DYNLT5: variants seen among roughly 807,000 people sequenced by gnomAD.
DYNLT5 encodes the protein dynein light chain Tctex-type family member 5.
Under a neutral mutation model 19.3 loss-of-function variants are expected in DYNLT5, and 25 were observed. That is an observed-to-expected ratio of 1.30 (90% CI 0.95 to 1.81). The LOEUF (loss-of-function observed/expected upper bound fraction) is 1.81, where lower values mean the gene tolerates loss of function less well. Among genes scored for constraint, DYNLT5 ranks in the 40% most tolerant of loss-of-function variants. The pLI is 0.00. For missense variants in DYNLT5, 232 were observed against 217.9 expected (o/e 1.06, Z -0.41); for synonymous variants, 82 against 68.9 (o/e 1.19, Z -0.94).
intron 4 of DYNLT5, 56 bp downstream of exon 4, chr1:66,776,459 C>A (rs1451848456): frequency 1.9e-5 from 29 of 1,533,584 alleles, no homozygotes; most frequent in East Asian, 2.3e-5. Flanking sequence ...TGCTAAAGTA[C>A]AACGGACCCT....
rs928568585 is a variant in DYNLT5, at chr1:66,778,797, A to C, written c.*1343A>C. ...GTGATTATTCAAAATGAATTTGTCAATTTTCACTTTTTTTTTTCTGTTAGT... is the reference window on the plus strand; with the variant it reads ...GTGATTATTCAAAATGAATTTGTCACTTTTCACTTTTTTTTTTCTGTTAGT... On this transcript the variant is annotated 3_prime_UTR_variant, in exon 5 of 5. Coordinates refer to ENST00000282670, the MANE Select transcript of DYNLT5 (RefSeq NM_152665.3). 4 of 125,158 alleles carry C rather than the reference A, an allele frequency of 3.2e-5. No homozygotes were observed. Among genetic ancestry groups the C allele is most frequent in the Non-Finnish European group, 7.3e-5 (4 of 55,126 alleles). 7.8% of individuals were successfully genotyped at this position (125,158 alleles called of 1,614,324 possible).
intron 2 of DYNLT5, among the ~76,000 whole-genome samples, chr1:66,757,583 T>C (rs1305501492): frequency 6.6e-6 from 1 of 152,170 alleles, no homozygotes; most frequent in Non-Finnish European, 1.5e-5. Context: ...GTGGTCATCA[T>C]ACTCCATCTG....
At chr1:66,754,281 A>C (rs937608176) in intron 1 of DYNLT5, among the ~76,000 whole-genome samples, 1 of 152,164 alleles carries the variant, frequency 6.6e-6, no homozygotes, top group South Asian at 2.1e-4. Flanking sequence ...TAATTAGCAA[A>C]GTTGTATTAT....
At chr1:66,760,716 C>G (rs1052293047) in intron 2 of DYNLT5, among the ~76,000 whole-genome samples, 1 of 152,196 alleles carries the variant, frequency 6.6e-6, no homozygotes, top group African/African-American at 2.4e-5. Context: ...ACCTGCACTA[C>G]CAGCATCACC....
intron 2 of DYNLT5, among the ~76,000 whole-genome samples, chr1:66,766,241 T>A (rs1486966688): frequency 6.6e-6 from 1 of 152,218 alleles, no homozygotes; most frequent in Non-Finnish European, 1.5e-5. Context: ...ACCGTAGCAT[T>A]CACTTTACAA....
intron 2 of DYNLT5, among the ~76,000 whole-genome samples, chr1:66,759,998 G>A (rs926186342): frequency 1.3e-5 from 2 of 152,140 alleles, no homozygotes; most frequent in African/African-American, 2.4e-5. Context: ...TGCATGTGCT[G>A]TTCTCTCTTC....
rs1192930228 is a variant in DYNLT5, at chr1:66,776,307, C to T, written c.240C>T (p.Thr80=). The change falls in exon 4 of 5, where the codon ACC becomes ACT. Residue 80 remains threonine (T), a synonymous_variant. Transcript: ENST00000282670. ...LGPPKHFPVV[T]VNHILKDVVT... ...CTCCCAAACATTTTCCTGTGGTCAC[C>T]GTCAATCATATTTTGAAAGATGTAG... 14 of 1,612,242 alleles carry T rather than the reference C, an allele frequency of 8.7e-6. No homozygotes were observed. Among genetic ancestry groups the T allele is most frequent in the East Asian group, 2.2e-5 (1 of 44,822 alleles).
At chr1:66,776,183 TC>T in intron 3 of DYNLT5, 95 bp from the exon 4 acceptor site, 1 of 1,463,936 alleles carries the variant, frequency 6.8e-7, no homozygotes, top group Admixed American at 2.2e-5. Context: ...GAAGATTAAA[TC>T]CCTCCATGTT....
intron 1 of DYNLT5, among the ~76,000 whole-genome samples, chr1:66,753,637 C>T (rs924609878): frequency 6.6e-6 from 1 of 152,242 alleles, no homozygotes; most frequent in Non-Finnish European, 1.5e-5. Context: ...TAGCTCCCTA[C>T]CCCTAATTTT....
intron 3 of DYNLT5, chr1:66,775,578 T>C (rs1294161955): frequency 6.6e-6 from 1 of 152,138 alleles, no homozygotes; most frequent in African/African-American, 2.4e-5. Context: ...GAAACGCAGG[T>C]ATGCTTTAGC....
intron 3 of DYNLT5, among the ~76,000 whole-genome samples, chr1:66,774,824 T>A (rs1214419346): frequency 6.6e-6 from 1 of 152,222 alleles, no homozygotes; most frequent in Non-Finnish European, 1.5e-5. Flanking sequence ...GCACTATCCC[T>A]TGTGATTTTC....
At chr1:66,771,833 CA>C (rs1290691459) in intron 3 of DYNLT5, among the ~76,000 whole-genome samples, 1 of 152,180 alleles carries the variant, frequency 6.6e-6, no homozygotes, top group African/African-American at 2.4e-5. Flanking sequence ...TGTGTTTCTA[CA>C]TAAGGATATT....
At chr1:66,770,673 T>C (rs973052068) in intron 3 of DYNLT5, 195 bp downstream of exon 3, 3 of 671,212 alleles carry the variant, frequency 4.5e-6, no homozygotes, top group Non-Finnish European at 8.2e-6. Context: ...CTTACTTTTC[T>C]TTACTAATGT....
chr1:66,775,898 G>T (rs549383917), intron 3 of DYNLT5, among the ~76,000 whole-genome samples: 1 of 152,114 alleles, frequency 6.6e-6, no homozygotes, highest in South Asian at 2.1e-4. Flanking sequence ...TTTAGACCTC[G>T]CTAAGGGGAA....
chr1:66,777,496 G>A lies in DYNLT5; in HGVS notation c.*42G>A. On this transcript the variant is annotated 3_prime_UTR_variant, in exon 5 of 5. Transcript: ENST00000282670. ...TAGCTCTTACTTTTGAAAATTCTGA[G>A]GCAGGCTGTATGTCTGTACACAAAA... is the stretch of plus-strand genomic sequence containing the variant. 3.8e-6 allele frequency: 6 copies of A among 1,587,658 alleles called. No homozygotes were observed. The highest frequency in any genetic ancestry group is 2.2e-5 in the East Asian group (1 of 44,628).
intron 3 of DYNLT5, among the ~76,000 whole-genome samples, chr1:66,774,469 A>G (rs1306340171): frequency 1.3e-5 from 2 of 152,012 alleles, no homozygotes; most frequent in African/African-American, 2.4e-5. Context: ...CAATTTCTAT[A>G]TTATCATCAA....
chr1:66,776,211 T>C, intron 3 of DYNLT5, 68 bp from the exon 4 acceptor site: 2 of 1,538,608 alleles, frequency 1.3e-6, no homozygotes, highest in Non-Finnish European at 1.8e-6. Flanking sequence ...CTCTTTTGAT[T>C]AGCCTATGGG....
chr1:66,764,294 A>G (rs553331664), intron 2 of DYNLT5, among the ~76,000 whole-genome samples: 6 of 152,366 alleles, frequency 3.9e-5, no homozygotes, highest in South Asian at 4.1e-4. Flanking sequence ...GGCTTTTGAC[A>G]TGCCTTCCTC....
At chr1:66,770,900 G>A (rs1645200117) in intron 3 of DYNLT5, 1 of 240,522 alleles carries the variant, frequency 4.2e-6, no homozygotes, top group Non-Finnish European at 8.2e-6. Flanking sequence ...TGTTGACAGA[G>A]ACGTTTATCC....
Sources: gnomAD v4.1 joint callset for allele counts (sites outside exome capture counted in the v4.1 genomes callset) on GRCh38, gnomAD v4.1.1 for gene constraint, MANE v1.5 for transcripts, NCBI Gene and HGNC (gene_info 2026-07-23, HGNC 2026-07-21) for gene names.